Variants in C1QTNF7 observed in about 807,000 individuals in gnomAD.
C1QTNF7 encodes C1q and TNF related 7, also known as complement C1q tumor necrosis factor-related protein 7.
C1QTNF7 carries 15 observed loss-of-function variants against 19.6 expected under a neutral mutation model. That is an observed-to-expected ratio of 0.76 (90% CI 0.51 to 1.18). The LOEUF (loss-of-function observed/expected upper bound fraction) is 1.18, where lower values mean the gene tolerates loss of function less well. Ranked by LOEUF, C1QTNF7 falls within the 50% of genes most tolerant of loss-of-function variation. The probability of loss-of-function intolerance (pLI) is 0.00; values close to 1 mark genes in which losing one functional copy is unlikely to be tolerated. For missense variants in C1QTNF7, 324 were observed against 359.7 expected (o/e 0.90, Z 0.80); for synonymous variants, 142 against 137.5 (o/e 1.03, Z -0.23).
In C1QTNF7 at chr4:15,340,902, C is replaced by T. The variant is rs546991471; in HGVS notation, c.13+695C>T. Among the ~76,000 whole-genome samples the T allele has an allele frequency of 2.6e-5, 4 of 152,176 alleles. No homozygotes were observed. In the East Asian group the frequency reaches 7.7e-4, roughly 29 times the overall value. On this transcript the variant is annotated intron_variant, in intron 1 of 2. Transcript: ENST00000295297. ...TGCCTCATACACAGGTAGGGAGCAG[C>T]GAGGATAAGATATTTTCTTGTTTTT...
At chr4:15,363,432 C>G (rs1042451760) in intron 1 of C1QTNF7, among the ~76,000 whole-genome samples, 2 of 152,194 alleles carry the variant, frequency 1.3e-5, no homozygotes, top group African/African-American at 4.8e-5. Context: ...ATTGTAATCA[C>G]AAGACATCTA....
chr4:15,365,808 A>G (rs1717496107), intron 1 of C1QTNF7, among the ~76,000 whole-genome samples: 1 of 152,088 alleles, frequency 6.6e-6, no homozygotes, highest in South Asian at 2.1e-4. Context: ...CTCCCTCCCA[A>G]CGGCTGTATT....
At chr4:15,412,884 C>T (rs938108598) in intron 1 of C1QTNF7, among the ~76,000 whole-genome samples, 6 of 152,206 alleles carry the variant, frequency 3.9e-5, no homozygotes, top group African/African-American at 1.4e-4. Context: ...GAACATGAAT[C>T]AATCCCTCTC....
chr4:15,414,932 T>A (rs1719539590), intron 1 of C1QTNF7, among the ~76,000 whole-genome samples: 1 of 152,206 alleles, frequency 6.6e-6, no homozygotes, highest in South Asian at 2.1e-4. Context: ...TTGTTCTTAG[T>A]CAACAGAGAA....
chr4:15,374,154 C>T (rs1361479020), intron 1 of C1QTNF7: 5 of 152,220 alleles, frequency 3.3e-5, no homozygotes, highest in Admixed American at 3.3e-4. Flanking sequence ...TGACAGTCGG[C>T]TCTTAGGTTC....
chr4:15,375,543 A>G (rs1238517216), intron 1 of C1QTNF7, among the ~76,000 whole-genome samples: 1 of 152,196 alleles, frequency 6.6e-6, no homozygotes, highest in Non-Finnish European at 1.5e-5. Flanking sequence ...ATTGTGGGTA[A>G]TGACTGGGAA....
At chr4:15,427,544 A>C (rs1560367454), upstream of C1QTNF7, among the ~76,000 whole-genome samples, 1 of 152,232 alleles carries the variant, frequency 6.6e-6, no homozygotes, top group Non-Finnish European at 1.5e-5. Context: ...TTTGCACAGC[A>C]CATAGAATGA....
At chr4:15,412,005 C>T (rs776452068) in intron 1 of C1QTNF7, among the ~76,000 whole-genome samples, 4 of 152,088 alleles carry the variant, frequency 2.6e-5, no homozygotes, top group Non-Finnish European at 1.5e-5. Flanking sequence ...CTCACATTAC[C>T]ACCTGAGCTT....
chr4:15,399,120 C>G (rs1170241377), intron 1 of C1QTNF7, among the ~76,000 whole-genome samples: 1 of 152,176 alleles, frequency 6.6e-6, no homozygotes, highest in African/African-American at 2.4e-5. Flanking sequence ...CCTCTTAATG[C>G]ACATGCTTGA....
At chr4:15,440,866 T>TG (rs1712731923) in intron 2 of C1QTNF7, among the ~76,000 whole-genome samples, 1 of 151,522 alleles carries the variant, frequency 6.6e-6, no homozygotes, top group African/African-American at 2.4e-5. Context: ...TGGCCGGGCA[T>TG]GGCGGCTCAG....
intron 2 of C1QTNF7, among the ~76,000 whole-genome samples, chr4:15,438,944 A>G (rs1209703289): frequency 3.3e-5 from 5 of 152,224 alleles, no homozygotes; most frequent in Non-Finnish European, 7.3e-5. Context: ...GATGGATGGA[A>G]GGATAGAATG....
chr4:15,346,969 T>C (rs553549884), intron 1 of C1QTNF7, among the ~76,000 whole-genome samples: 1 of 152,326 alleles, frequency 6.6e-6, no homozygotes, highest in African/African-American at 2.4e-5. Context: ...GTCCATTCTC[T>C]TGACTTTATG....
At chr4:15,429,922 A>G (rs1262021057) in intron 1 of C1QTNF7, among the ~76,000 whole-genome samples, 2 of 152,222 alleles carry the variant, frequency 1.3e-5, no homozygotes, top group East Asian at 3.8e-4. Context: ...AGAAAAAAAT[A>G]TACTTGGAGT....
intron 1 of C1QTNF7, among the ~76,000 whole-genome samples, chr4:15,362,103 G>A (rs4698372): frequency 0.47 from 71,322 of 152,004 alleles, 18,013 homozygotes; most frequent in African/African-American, 0.65. Flanking sequence ...TCTAAAATGG[G>A]GGTAAACATA....
chr4:15,399,330 C>T (rs926622330), intron 1 of C1QTNF7, among the ~76,000 whole-genome samples: 1 of 152,176 alleles, frequency 6.6e-6, no homozygotes, highest in Non-Finnish European at 1.5e-5. Flanking sequence ...AGGAAGCCCT[C>T]TCCTGTTCTG....
At chr4:15,407,171 G>A (rs971395042) in intron 1 of C1QTNF7, among the ~76,000 whole-genome samples, 2 of 151,952 alleles carry the variant, frequency 1.3e-5, no homozygotes, top group African/African-American at 4.8e-5. Context: ...GTGTCAGGCG[G>A]GTAACACCAA....
chr4:15,344,942 T>A (rs1162586205), intron 1 of C1QTNF7, among the ~76,000 whole-genome samples: 1 of 152,238 alleles, frequency 6.6e-6, no homozygotes, highest in Admixed American at 6.5e-5. Flanking sequence ...GTGCTGTGAA[T>A]GGTAGTTATT....
chr4:15,379,838 C>T (rs1334324198), intron 1 of C1QTNF7, among the ~76,000 whole-genome samples: 2 of 152,220 alleles, frequency 1.3e-5, no homozygotes, highest in African/African-American at 4.8e-5. Context: ...AATGATTCCT[C>T]AAGTTCCTTT....
intron 1 of C1QTNF7, among the ~76,000 whole-genome samples, chr4:15,394,104 G>A (rs1239323860): frequency 1.3e-5 from 2 of 152,238 alleles, no homozygotes; most frequent in African/African-American, 4.8e-5. Flanking sequence ...GCCTGTGAAG[G>A]TCTAAAGTGT....
Sources: allele counts gnomAD v4.1 joint callset (sites outside exome capture counted in the v4.1 genomes callset), GRCh38; gene constraint gnomAD v4.1.1; transcripts MANE v1.5; gene names NCBI Gene and HGNC (gene_info 2026-07-23, HGNC 2026-07-21).